The following CCDC57 variants were observed in gnomAD, a reference collection of about 807,000 sequenced individuals.
CCDC57 encodes the protein coiled-coil domain containing 57, also known as coiled-coil domain-containing protein 57.
Under a neutral mutation model 118.9 loss-of-function variants are expected in CCDC57, and 118 were observed. The ratio of observed to expected loss-of-function variants is 0.99; its 90% CI spans 0.86 to 1.16. The LOEUF is 1.16. CCDC57 is among the 50% of genes most tolerant of loss of function. The probability of loss-of-function intolerance (pLI) is 0.00; values close to 1 mark genes in which losing one functional copy is unlikely to be tolerated. For synonymous variants in CCDC57, 527 were observed against 532.9 expected (o/e 0.99, Z 0.15); for missense variants, 1,300 against 1,320.7 (o/e 0.98, Z 0.24).
chr17:82,201,502 G>A (rs936180000), intron 3 of CCDC57, 36 bp downstream of exon 2: 9 of 1,530,928 alleles, frequency 5.9e-6, no homozygotes, highest in Non-Finnish European at 7.9e-6. Context: ...CCTCTGCCAG[G>A]CACTGCACAG....
chr17:82,126,830 G>A (rs2037500674), intron 19 of CCDC57: 3 of 985,308 alleles, frequency 3.0e-6, no homozygotes, highest in African/African-American at 1.7e-5. Context: ...CCTAAAATGC[G>A]CATGAAGGAG....
At chr17:82,120,444 C>T (rs894246525) in intron 19 of CCDC57, among the ~76,000 whole-genome samples, 6 of 152,228 alleles carry the variant, frequency 3.9e-5, no homozygotes, top group Non-Finnish European at 7.3e-5. Flanking sequence ...TGCCGAGCTG[C>T]GCTCTGTCCT....
chr17:82,165,612 G>A (rs913736265), intron 13 of CCDC57, among the ~76,000 whole-genome samples: 5 of 152,184 alleles, frequency 3.3e-5, no homozygotes, highest in Admixed American at 6.5e-5. Flanking sequence ...GCAGCCTGCT[G>A]TGGACAAAGG....
At chr17:82,148,135 ATGGATGGATG>A in intron 16 of CCDC57, among the ~76,000 whole-genome samples, 1 of 21,466 alleles carries the variant, frequency 4.7e-5, no homozygotes. Context: ...AGATGGATGG[ATGGATGGATG>A]GATGGATGGA....
intron 16 of CCDC57, among the ~76,000 whole-genome samples, chr17:82,150,925 A>T (rs186335745): frequency 1.3e-3 from 30 of 22,522 alleles, no homozygotes; most frequent in Non-Finnish European, 2.1e-3. Context: ...ACCCAGAACC[A>T]GGCGCACACC....
At chr17:82,113,842 A>C (rs1164119024) in intron 19 of CCDC57, 1 of 592,888 alleles carries the variant, frequency 1.7e-6, no homozygotes, top group African/African-American at 1.9e-5. Context: ...GCTACTCAGG[A>C]GACAAAGGCA....
At chr17:82,143,988 A>G (rs1375459503) in intron 16 of CCDC57, among the ~76,000 whole-genome samples, 2 of 151,702 alleles carry the variant, frequency 1.3e-5, no homozygotes, top group East Asian at 3.9e-4. Context: ...CGGGAGGTGG[A>G]GTTTGCACTG....
chr17:82,126,876 G>A lies in CCDC57; in HGVS notation c.2899+816C>T, dbSNP rs564770839. ...AATGAATGAGGCACACCCTCATGAC[G>A]GAAGACAGAAGCTGTAAGGTAAGAA... is the stretch of plus-strand genomic sequence containing the variant. On this transcript the variant is annotated intron_variant, in intron 19 of 19. Coordinates refer to ENST00000665763, the Ensembl canonical transcript of CCDC57. 72 of 985,406 alleles carry A rather than the reference G, an allele frequency of 7.3e-5. No individual in the cohort carries two copies. In the Middle Eastern group the frequency reaches 4.7e-3, roughly 64 times the overall value. 61.0% of individuals were successfully genotyped at this position (985,406 alleles called of 1,614,324 possible). A position where few individuals can be genotyped will look rare whatever the true frequency, so the allele number is the denominator to read the frequency against.
chr17:82,194,311 T>TTC, intron 5 of CCDC57, 172 bp from the exon 5 acceptor site: 1 of 636,530 alleles, frequency 1.6e-6, no homozygotes, highest in Non-Finnish European at 2.6e-6. Context: ...CTCAATGACT[T>TTC]TTTTTTTTTT....
At chr17:82,145,353 C>T (rs939381676) in intron 16 of CCDC57, among the ~76,000 whole-genome samples, 5 of 150,784 alleles carry the variant, frequency 3.3e-5, no homozygotes, top group African/African-American at 1.2e-4. Flanking sequence ...ATGAGACCAG[C>T]CTGGCCAACA....
At chr17:82,182,844 C>T (rs1192785522) in intron 9 of CCDC57, among the ~76,000 whole-genome samples, 1 of 150,998 alleles carries the variant, frequency 6.6e-6, no homozygotes, top group Non-Finnish European at 1.5e-5. Context: ...AGCCACCATG[C>T]CTGGCTAATT....
chr17:82,130,145 G>C (rs2145305298), intron 17 of CCDC57, among the ~76,000 whole-genome samples: 1 of 152,218 alleles, frequency 6.6e-6, no homozygotes, highest in South Asian at 2.1e-4. Context: ...AGGCTGCAGT[G>C]AGCTGTGATG....
rs928674112 is a variant in CCDC57, at chr17:82,163,301, C to A, written c.1939G>T (p.Gly647Ter). 1.2e-6 allele frequency: 2 copies of A among 1,613,910 alleles called. No individual in the cohort carries two copies. Among genetic ancestry groups the A allele is most frequent in the Admixed American group, 1.7e-5 (1 of 60,012 alleles). Reference sequence around the variant, plus strand: ...GATACTGGGCCAGCTTGGACAGATCCTCCTGCTTGACCAGCTTGGACAGAC... The same window carrying A: ...GATACTGGGCCAGCTTGGACAGATCATCCTGCTTGACCAGCTTGGACAGAC... The change falls in exon 14 of 20, where the codon GGA becomes TGA. Residue 647 changes from glycine to a stop codon, truncating the protein, a stop_gained. Coordinates refer to ENST00000665763, the Ensembl canonical transcript of CCDC57. LOFTEE classifies it high-confidence loss of function.
chr17:82,163,482 T>A, intron 13 of CCDC57, 125 bp from the exon 13 acceptor site: 3 of 1,119,784 alleles, frequency 2.7e-6, no homozygotes, highest in Non-Finnish European at 3.8e-6. Context: ...CTGACCCCAA[T>A]GCGAAGCTGT....
chr17:82,163,315 G>C (rs745693203), exon 14 of CCDC57: 1 of 1,613,722 alleles, frequency 6.2e-7, no homozygotes, highest in Non-Finnish European at 8.5e-7. Context: ...TGCTTGACCA[G>C]CTTGGACAGA....
chr17:82,107,693 C>T (rs1485625960), intron 19 of CCDC57: 15 of 438,074 alleles, frequency 3.4e-5, no homozygotes, highest in Middle Eastern at 5.9e-4. Flanking sequence ...CTGCACTGCC[C>T]GCTCCCCTGG....
rs1297800078 is a variant in CCDC57 at position 82,172,843 on chromosome 17, A to G, written c.1524T>C (p.His508=). 1 of 1,611,970 alleles carries G rather than the reference A, an allele frequency of 6.2e-7. No homozygotes were observed. Among genetic ancestry groups the G allele is most frequent in the Non-Finnish European group, 8.5e-7 (1 of 1,179,142 alleles). The stretch of plus-strand genomic sequence containing the variant: ...GAAAGTCTTTACTTATTTCTTCTTC[A>G]TGCTGCCTGAGAAGCATCTGTCAAA... Residue 508 remains histidine (H), a synonymous_variant, in exon 12 of 20, where the codon CAT becomes CAC. Transcript: ENST00000665763. This position sits in a 1 kb window ranked among gnomAD's most constrained non-coding sequence, Gnocchi z 5.2.
chr17:82,201,386 C>A (rs1373646249), intron 3 of CCDC57, among the ~76,000 whole-genome samples, 152 bp downstream of exon 2: 1 of 152,258 alleles, frequency 6.6e-6, no homozygotes, highest in East Asian at 1.9e-4. Flanking sequence ...AGGCACTCGG[C>A]CACTCAGACA....
chr17:82,119,727 G>A (rs2036413481), intron 19 of CCDC57, among the ~76,000 whole-genome samples: 1 of 152,028 alleles, frequency 6.6e-6, no homozygotes, highest in Non-Finnish European at 1.5e-5. Flanking sequence ...GGCTGGAGCT[G>A]GAGTGCAGGT....
Sources: allele counts gnomAD v4.1 joint callset (sites outside exome capture counted in the v4.1 genomes callset), GRCh38; gene constraint gnomAD v4.1.1; non-coding constraint Gnocchi (gnomAD v3.1); transcripts MANE v1.5; gene names NCBI Gene and HGNC (gene_info 2026-07-23, HGNC 2026-07-21).